CNTN1: variants seen among roughly 807,000 people sequenced by gnomAD.
CNTN1 encodes contactin-1.
CNTN1 carries 38 observed loss-of-function variants against 126.4 expected under a neutral mutation model. The observed-to-expected ratio is 0.30, with a 90% CI of 0.23 to 0.39. The LOEUF is 0.39. CNTN1 is among the 10% of genes least tolerant of loss of function. The pLI is 1.00. For synonymous variants in CNTN1, 413 were observed against 422.6 expected (o/e 0.98, Z 0.28); for missense variants, 1,009 against 1,248.4 (o/e 0.81, Z 2.89).
At chr12:40,759,538 A>T (rs1438374443) in intron 1 of CNTN1, among the ~76,000 whole-genome samples, 1 of 149,108 alleles carries the variant, frequency 6.7e-6, no homozygotes, top group East Asian at 2.0e-4. Flanking sequence ...TGCTTATGGC[A>T]CACTGCATCT....
intron 1 of CNTN1, among the ~76,000 whole-genome samples, chr12:40,776,261 C>T (rs1280824979): frequency 6.6e-6 from 1 of 151,672 alleles, no homozygotes; most frequent in African/African-American, 2.4e-5. Context: ...ATCAAGAGTT[C>T]TCAACAAGAG....
At chr12:41,023,297 G>C (rs926847220) in intron 20 of CNTN1, among the ~76,000 whole-genome samples, 1 of 152,310 alleles carries the variant, frequency 6.6e-6, no homozygotes, top group Middle Eastern at 3.4e-3. Context: ...CATTTCAAAT[G>C]AGAATTGTGA....
At chr12:40,718,455 A>G (rs1942104857) in intron 1 of CNTN1, among the ~76,000 whole-genome samples, 1 of 152,118 alleles carries the variant, frequency 6.6e-6, no homozygotes, top group South Asian at 2.1e-4. Flanking sequence ...CTGGGATTAC[A>G]GGCGTGAGCC....
intron 1 of CNTN1, among the ~76,000 whole-genome samples, chr12:40,721,377 G>A (rs957369065): frequency 6.6e-6 from 1 of 151,688 alleles, no homozygotes. Context: ...TAGGTTTTAA[G>A]GTTCTTTATG....
At chr12:40,797,179 A>G (rs1430432361) in intron 1 of CNTN1, among the ~76,000 whole-genome samples, 2 of 152,142 alleles carry the variant, frequency 1.3e-5, no homozygotes, top group Non-Finnish European at 2.9e-5. Context: ...ATGTGATCCC[A>G]GACATCAGGA....
At chr12:40,989,809 G>A (rs1229223833) in intron 16 of CNTN1, among the ~76,000 whole-genome samples, 1 of 151,938 alleles carries the variant, frequency 6.6e-6, no homozygotes, top group East Asian at 1.9e-4. Flanking sequence ...TGATAGCTAG[G>A]AACAAGCAAG....
intron 1 of CNTN1, among the ~76,000 whole-genome samples, chr12:40,710,585 A>C (rs1169211777): frequency 6.6e-6 from 1 of 152,160 alleles, no homozygotes; most frequent in African/African-American, 2.4e-5. Flanking sequence ...TGTGAAGTGC[A>C]ATAAAGTGAA....
intron 1 of CNTN1, among the ~76,000 whole-genome samples, chr12:40,876,723 G>T (rs557342332): frequency 1.3e-5 from 2 of 151,944 alleles, no homozygotes; most frequent in Non-Finnish European, 2.9e-5. Flanking sequence ...TTTCTTATTA[G>T]CTTTGTTTTT....
intron 1 of CNTN1, among the ~76,000 whole-genome samples, chr12:40,761,650 T>C (rs1938869885): frequency 6.6e-6 from 1 of 152,138 alleles, no homozygotes; most frequent in Non-Finnish European, 1.5e-5. Flanking sequence ...TCAGTTATTT[T>C]ACTTGTATTA....
intron 1 of CNTN1, among the ~76,000 whole-genome samples, chr12:40,779,833 A>G (rs1257015897): frequency 6.6e-6 from 1 of 151,988 alleles, no homozygotes; most frequent in Non-Finnish European, 1.5e-5. Flanking sequence ...AGCAGGATAT[A>G]TTTTAGCTAG....
At chr12:41,021,088 A>G (rs1023716392) in intron 20 of CNTN1, among the ~76,000 whole-genome samples, 35 of 152,232 alleles carry the variant, frequency 2.3e-4, no homozygotes, top group African/African-American at 8.4e-4. Context: ...TATGTAGGAA[A>G]TGTGAAATCA....
intron 23 of CNTN1, among the ~76,000 whole-genome samples, chr12:41,067,003 A>G (rs1195173550): frequency 6.6e-6 from 1 of 152,228 alleles, no homozygotes; most frequent in Non-Finnish European, 1.5e-5. Flanking sequence ...TATAACACAT[A>G]AGTACCAGAA....
chr12:40,797,958 G>C (rs908826932), intron 1 of CNTN1, among the ~76,000 whole-genome samples: 4 of 152,012 alleles, frequency 2.6e-5, no homozygotes, highest in Non-Finnish European at 4.4e-5. Flanking sequence ...GCTTGAGTTT[G>C]AGATGCCTGT....
intron 1 of CNTN1, among the ~76,000 whole-genome samples, chr12:40,758,226 C>G (rs1264828775): frequency 6.6e-6 from 1 of 150,656 alleles, no homozygotes. Flanking sequence ...TTTTAAGCCT[C>G]TGGTGTTATG....
At chr12:40,938,241 AC>A (rs1242834499) in intron 11 of CNTN1, among the ~76,000 whole-genome samples, 1 of 152,096 alleles carries the variant, frequency 6.6e-6, no homozygotes, top group Non-Finnish European at 1.5e-5. Flanking sequence ...CAATGAAGTA[AC>A]CTTTTTTAAG....
chr12:41,007,884 T>G (rs1948542224), intron 17 of CNTN1, among the ~76,000 whole-genome samples: 1 of 152,214 alleles, frequency 6.6e-6, no homozygotes, highest in East Asian at 1.9e-4. Flanking sequence ...CTTGTTTATG[T>G]CTGCAGCTCA....
chr12:40,727,710 G>A (rs911139140), intron 1 of CNTN1, among the ~76,000 whole-genome samples: 2 of 152,006 alleles, frequency 1.3e-5, no homozygotes, highest in Non-Finnish European at 2.9e-5. Flanking sequence ...CAAAAACTAC[G>A]CATGCTACAC....
chr12:40,906,651 T>C (rs905138014), intron 1 of CNTN1, among the ~76,000 whole-genome samples: 6 of 150,532 alleles, frequency 4.0e-5, no homozygotes, highest in Non-Finnish European at 7.4e-5. Context: ...TGTTTTCCTT[T>C]TAAAATTGTT....
intron 5 of CNTN1, among the ~76,000 whole-genome samples, 155 bp from the exon 6 acceptor site, chr12:40,924,402 G>T (rs768380048): frequency 3.3e-5 from 5 of 152,148 alleles, no homozygotes; most frequent in Non-Finnish European, 5.9e-5. Flanking sequence ...TCTCAGCAAT[G>T]TAAGAACGAG....
Sources: gnomAD v4.1 joint callset for allele counts (sites outside exome capture counted in the v4.1 genomes callset) on GRCh38, gnomAD v4.1.1 for gene constraint, MANE v1.5 for transcripts, NCBI Gene and HGNC (gene_info 2026-07-23, HGNC 2026-07-21) for gene names.